The following PRRX1 variants were observed in gnomAD, a reference collection of about 807,000 sequenced individuals.
The protein encoded by PRRX1 is paired related homeobox 1.
Under a neutral mutation model 24.0 loss-of-function variants are expected in PRRX1, and 8 were observed. The ratio of observed to expected loss-of-function variants is 0.33; its 90% CI spans 0.20 to 0.60. The LOEUF (loss-of-function observed/expected upper bound fraction) is 0.60. PRRX1 is among the 20% of genes least tolerant of loss of function. PRRX1 has a pLI of 0.82. For synonymous variants in PRRX1, 160 were observed against 131.7 expected, an observed-to-expected ratio of 1.22 and a Z score of -1.47; for missense variants, 281 against 322.4, an observed-to-expected ratio of 0.87 and a Z score of 0.98.
chr1:170,666,386 C>CTAGT (rs1424972790), intron 1 of PRRX1, among the ~76,000 whole-genome samples: 7 of 131,298 alleles, frequency 5.3e-5, no homozygotes, highest in Non-Finnish European at 7.7e-5. Flanking sequence ...CCACTGCACT[C>CTAGT]CAGTCTGGAT....
In PRRX1 at chr1:170,737,367, C is replaced by T. The variant is rs963619063; in HGVS notation, c.*1181C>T. On this transcript the variant is annotated 3_prime_UTR_variant, in exon 4 of 4. Coordinates refer to ENST00000239461, the MANE Select transcript of PRRX1 (RefSeq NM_022716.4). ...TAGGGCAGCTGTTTGAGAACAGGTC[C>T]CATTTTCACATTAGGGCTTTAAATG... 6 of 191,512 alleles carry T rather than the reference C, an allele frequency of 3.1e-5. No homozygotes were observed. Among genetic ancestry groups the T allele is most frequent in the African/African-American group, 1.4e-4 (6 of 42,888 alleles). 11.9% of individuals were successfully genotyped at this position (191,512 alleles called of 1,614,324 possible).
At chr1:170,719,582 A>C in intron 1 of PRRX1, 144 bp from the exon 2 acceptor site, 2 of 897,186 alleles carry the variant, frequency 2.2e-6, no homozygotes, top group African/African-American at 1.7e-5. Flanking sequence ...ACATTTGCAC[A>C]TGCAAAGTGG....
At chr1:170,685,665 TTTC>T (rs869168376) in intron 1 of PRRX1, among the ~76,000 whole-genome samples, 24 of 151,864 alleles carry the variant, frequency 1.6e-4, no homozygotes, top group African/African-American at 3.9e-4. Flanking sequence ...TCTTTCTTTC[TTTC>T]TTTTTTTTTA....
intron 1 of PRRX1, among the ~76,000 whole-genome samples, chr1:170,670,106 C>G (rs1653098218): frequency 6.6e-6 from 1 of 152,156 alleles, no homozygotes; most frequent in Admixed American, 6.5e-5. Flanking sequence ...GGGGCCAACT[C>G]TCCGTGTCCA....
chr1:170,726,158 C>T, intron 2 of PRRX1, 62 bp from the exon 3 acceptor site: 1 of 1,479,388 alleles, frequency 6.8e-7, no homozygotes, highest in Non-Finnish European at 9.4e-7. Context: ...ATTCATGTAA[C>T]CCCTTCTTCT....
intron 1 of PRRX1, among the ~76,000 whole-genome samples, chr1:170,701,857 G>A (rs1431667810): frequency 6.6e-6 from 1 of 151,510 alleles, no homozygotes; most frequent in Non-Finnish European, 1.5e-5. Flanking sequence ...ATCTTTTTTT[G>A]TGTTGGGAAC....
intron 1 of PRRX1, among the ~76,000 whole-genome samples, chr1:170,697,763 T>C (rs1654222184): frequency 1.4e-5 from 2 of 147,506 alleles, no homozygotes. Context: ...TATATAGATA[T>C]ATAAATATAT....
chr1:170,705,382 A>G (rs1057182297), intron 1 of PRRX1, among the ~76,000 whole-genome samples: 2 of 152,190 alleles, frequency 1.3e-5, no homozygotes, highest in South Asian at 4.1e-4. Flanking sequence ...ACCTGGGCTC[A>G]GGTGATCCTC....
At chr1:170,693,780 A>C (rs1654069509) in intron 1 of PRRX1, among the ~76,000 whole-genome samples, 1 of 152,062 alleles carries the variant, frequency 6.6e-6, no homozygotes, top group African/African-American at 2.4e-5. Context: ...ACAAGAGGAG[A>C]CACAAGATCG....
In PRRX1 at chr1:170,736,386, C is replaced by G; in HGVS notation, c.*200C>G. Reference sequence around the variant, plus strand: ...ATTAGTTAACAAATGTTCCTCCTCCCTCTGGGATACCACCACCACTTGTTT... The same window carrying G: ...ATTAGTTAACAAATGTTCCTCCTCCGTCTGGGATACCACCACCACTTGTTT... On this transcript the variant is annotated 3_prime_UTR_variant, in exon 4 of 4. Coordinates refer to ENST00000239461, the MANE Select transcript of PRRX1 (RefSeq NM_022716.4). 1.5e-6 allele frequency: 1 copy of G among 661,870 alleles called. No individual in the cohort carries two copies. Among genetic ancestry groups the G allele is most frequent in the Non-Finnish European group, 2.5e-6 (1 of 392,980 alleles). The allele number at this position is 661,870 out of a possible 1,614,324, so 41.0% of individuals were successfully genotyped here. A position where few individuals can be genotyped will look rare whatever the true frequency, so the allele number is the denominator to read the frequency against.
chr1:170,679,560 T>C (rs990289491), intron 1 of PRRX1, among the ~76,000 whole-genome samples: 9 of 152,100 alleles, frequency 5.9e-5, no homozygotes, highest in Non-Finnish European at 1.3e-4. Flanking sequence ...CCACCACACC[T>C]GGCTAATTTT....
intron 1 of PRRX1, among the ~76,000 whole-genome samples, chr1:170,710,450 C>G (rs544136634): frequency 6.6e-6 from 1 of 152,280 alleles, no homozygotes; most frequent in Non-Finnish European, 1.5e-5. Flanking sequence ...CTCCTTATTT[C>G]CAATCCAAAG....
intron 3 of PRRX1, 30 bp downstream of exon 3, chr1:170,726,431 C>A: frequency 6.2e-7 from 1 of 1,604,462 alleles, no homozygotes; most frequent in Non-Finnish European, 8.5e-7. Flanking sequence ...TCCCTTGCTC[C>A]ACTTCCACAT....
chr1:170,687,622 T>TA (rs896874614), intron 1 of PRRX1, among the ~76,000 whole-genome samples: 20 of 152,316 alleles, frequency 1.3e-4, no homozygotes, highest in African/African-American at 4.8e-4. Flanking sequence ...AAGCATTAAG[T>TA]AAGATAATGT....
chr1:170,726,392 C>T lies in PRRX1; in HGVS notation c.590C>T (p.Ser197Phe), dbSNP rs1483603880. The change falls in exon 3 of 4, where the codon TCT becomes TTT. Residue 197 changes from serine to phenylalanine, a missense_variant. Coordinates refer to ENST00000239461, the MANE Select transcript of PRRX1 (RefSeq NM_022716.4). Reference protein sequence around the residue: ...PTDYLSWGTASPYSAMATYSA... With the variant: ...PTDYLSWGTAFPYSAMATYSA... ...GATTATCTCTCCTGGGGGACAGCGT[C>T]TCCGTACAGGTGAATGACTGGCCCA... 2 of 1,613,952 alleles carry T rather than the reference C, an allele frequency of 1.2e-6. No individual in the cohort carries two copies. Among genetic ancestry groups the T allele is most frequent in the East Asian group, 4.5e-5 (2 of 44,872 alleles).
chr1:170,715,935 C>T (rs368256475), intron 1 of PRRX1, among the ~76,000 whole-genome samples: 1 of 152,114 alleles, frequency 6.6e-6, no homozygotes, highest in Non-Finnish European at 1.5e-5. Context: ...TCTTGCACAG[C>T]GTGTATGTTG....
intron 3 of PRRX1, chr1:170,730,222 T>C: frequency 7.0e-7 from 1 of 1,433,800 alleles, no homozygotes; most frequent in Non-Finnish European, 9.8e-7. Context: ...TGGTGCTGCC[T>C]GACATCTGCT....
chr1:170,720,440 C>T (rs1655045038), intron 2 of PRRX1, among the ~76,000 whole-genome samples: 1 of 152,134 alleles, frequency 6.6e-6, no homozygotes, highest in Admixed American at 6.5e-5. Context: ...AATTGAATGC[C>T]TTCAGGTAGG....
chr1:170,686,738 A>G (rs539905852), intron 1 of PRRX1, among the ~76,000 whole-genome samples: 1 of 152,308 alleles, frequency 6.6e-6, no homozygotes, highest in African/African-American at 2.4e-5. Flanking sequence ...TAAAATCTAT[A>G]GTTGACACCT....
Sources: allele counts gnomAD v4.1 joint callset (sites outside exome capture counted in the v4.1 genomes callset), GRCh38; gene constraint gnomAD v4.1.1; transcripts MANE v1.5; gene names NCBI Gene and HGNC (gene_info 2026-07-23, HGNC 2026-07-21).